Variants in EXOC6 observed in about 807,000 individuals in gnomAD.
EXOC6 encodes the protein exocyst complex component 6, also known as SEC15-like 1.
In EXOC6, 60 loss-of-function variants were observed where a neutral mutation model predicts 112.5. The observed-to-expected ratio is 0.53, with a 90% confidence interval of 0.43 to 0.66. The LOEUF (loss-of-function observed/expected upper bound fraction) is 0.66, where lower values mean the gene tolerates loss of function less well. Ranked by LOEUF, EXOC6 falls within the 30% of genes least tolerant of loss-of-function variation. EXOC6 has a pLI of 0.00. For synonymous variants in EXOC6, 295 were observed against 308.0 expected (o/e 0.96, Z 0.44); for missense variants, 855 against 957.1 (o/e 0.89, Z 1.41).
At chr10:92,893,278 C>T (rs896379311) in intron 1 of EXOC6, 71 bp from the exon 2 acceptor site, 1 of 1,089,464 alleles carries the variant, frequency 9.2e-7, no homozygotes, top group Admixed American at 2.6e-5. Context: ...TTTAAGATAT[C>T]ACCTCTTGCA....
chr10:92,881,950 C>G (rs1350947131), intron 1 of EXOC6, among the ~76,000 whole-genome samples: 2 of 152,080 alleles, frequency 1.3e-5, no homozygotes, highest in Non-Finnish European at 2.9e-5. Flanking sequence ...CTGAGGCCTC[C>G]CAAGACATGT....
chr10:92,948,205 G>A, intron 13 of EXOC6, 69 bp from the exon 14 acceptor site: 1 of 970,180 alleles, frequency 1.0e-6, no homozygotes, highest in Non-Finnish European at 1.5e-6. Context: ...GGTTTTTTAA[G>A]GTATTGTCTT....
intron 2 of EXOC6, among the ~76,000 whole-genome samples, chr10:92,893,752 G>T (rs1329603823): frequency 6.6e-6 from 1 of 152,128 alleles, no homozygotes; most frequent in Non-Finnish European, 1.5e-5. Flanking sequence ...TTCTTTCCAT[G>T]CAGGGAAGTG....
At position 93,050,796 on chromosome 10, in the gene EXOC6, C is replaced by T. The variant is rs375202462; in HGVS notation, c.2170-6128C>T. Among the ~76,000 whole-genome samples, 13 of 89,198 alleles carry T rather than the reference C, an allele frequency of 1.5e-4. No homozygotes were observed. The East Asian group carries it at 3.0e-3, about 21-fold the overall frequency. The allele number at this position is 89,198 out of a possible 152,430, so 58.5% of individuals were successfully genotyped here. On this transcript the variant is annotated intron_variant, in intron 20 of 21. Transcript: ENST00000260762. ...AAAAAAAAAAAGAATTGCTTGAATCCGGGAGGAGAAGGTTGCAGTGAGCCG... is the reference window on the plus strand; with the variant it reads ...AAAAAAAAAAAGAATTGCTTGAATCTGGGAGGAGAAGGTTGCAGTGAGCCG...
chr10:92,835,707 T>C (rs1487005830), intron 1 of EXOC6, among the ~76,000 whole-genome samples: 5 of 152,224 alleles, frequency 3.3e-5, no homozygotes, highest in Admixed American at 1.3e-4. Flanking sequence ...ATTTAAATCT[T>C]ATTTTGCATT....
Position 92,909,524 on chromosome 10 carries a change from C to G in EXOC6, c.556C>G (p.Pro186Ala), listed in dbSNP as rs200140456. Residue 186 changes from proline to alanine, a missense_variant, in exon 6 of 22, where the codon CCC becomes GCC. By Grantham distance (27) the Pro-to-Ala change is conservative (BLOSUM62 -1). This residue lies in a region of EXOC6 where 405 missense variants were observed against 393.6 expected (regional missense o/e 1.03). Coordinates refer to ENST00000260762, the MANE Select transcript of EXOC6 (RefSeq NM_019053.6). Reference protein sequence around the residue: ...RFCQLMIENLPKLREDIKEIS... With the variant: ...RFCQLMIENLAKLREDIKEIS... Reference sequence around the variant, plus strand: ...TTGTCAGCTCATGATAGAAAATCTTCCCAAACTCCGTGAGGATATTAAAGA... The same window carrying G: ...TTGTCAGCTCATGATAGAAAATCTTGCCAAACTCCGTGAGGATATTAAAGA... 1 of 1,613,284 alleles carries G rather than the reference C, an allele frequency of 6.2e-7. No individual in the cohort carries two copies. Among genetic ancestry groups the G allele is most frequent in the Admixed American group, 1.7e-5 (1 of 59,996 alleles).
chr10:92,874,778 T>C (rs1028877254), intron 1 of EXOC6, among the ~76,000 whole-genome samples: 2 of 152,248 alleles, frequency 1.3e-5, no homozygotes, highest in Non-Finnish European at 2.9e-5. Flanking sequence ...CATCTTTCTT[T>C]CTATTTCTCC....
chr10:92,938,705 A>G (rs1028507734), intron 12 of EXOC6, among the ~76,000 whole-genome samples: 2 of 152,206 alleles, frequency 1.3e-5, no homozygotes, highest in Non-Finnish European at 2.9e-5. Flanking sequence ...ATACAATAGT[A>G]GAGACATAAA....
intron 1 of EXOC6, among the ~76,000 whole-genome samples, chr10:92,850,647 T>A (rs1847280710): frequency 6.6e-6 from 1 of 152,238 alleles, no homozygotes; most frequent in Non-Finnish European, 1.5e-5. Context: ...TAGCTTCAAT[T>A]CATTCCCTGG....
intron 20 of EXOC6, among the ~76,000 whole-genome samples, chr10:93,026,297 T>C (rs571000204): frequency 6.8e-4 from 104 of 152,280 alleles, no homozygotes; most frequent in Middle Eastern, 6.8e-3. Context: ...ATACACATGA[T>C]CAGTTTTAAT....
intron 18 of EXOC6, chr10:92,987,590 T>A: frequency 1.2e-5 from 12 of 983,602 alleles, no homozygotes; most frequent in Non-Finnish European, 1.4e-5. Context: ...TTTATTTGAT[T>A]GCCTTGCTGA....
intron 1 of EXOC6, among the ~76,000 whole-genome samples, chr10:92,849,188 GCGAGAAGAGAGCGTGGGCT>G (rs796123952): frequency 1.2e-4 from 19 of 152,190 alleles, no homozygotes; most frequent in African/African-American, 4.6e-4. Flanking sequence ...GCCGCAGTGG[GCGAGAAGAGAGCGTGGGCT>G]GGAGAAGAGA....
intron 12 of EXOC6, among the ~76,000 whole-genome samples, chr10:92,936,288 A>G (rs181565630): frequency 3.3e-4 from 50 of 152,354 alleles, no homozygotes; most frequent in Non-Finnish European, 2.9e-5. Flanking sequence ...GACTAATTGT[A>G]TGCCTGCAGG....
chr10:92,858,028 C>T (rs930697816), intron 1 of EXOC6, among the ~76,000 whole-genome samples: 1 of 138,968 alleles, frequency 7.2e-6, no homozygotes, highest in Non-Finnish European at 1.5e-5. Context: ...GGGTTCCCCC[C>T]CTCCGCCGGC....
intron 8 of EXOC6, among the ~76,000 whole-genome samples, chr10:92,925,422 G>A (rs1851661750): frequency 1.3e-5 from 2 of 151,930 alleles, no homozygotes; most frequent in Non-Finnish European, 2.9e-5. Flanking sequence ...AGTCTCCCAA[G>A]TAGCTGGGAT....
intron 1 of EXOC6, among the ~76,000 whole-genome samples, chr10:92,882,507 A>C (rs1589757430): frequency 6.8e-6 from 1 of 147,858 alleles, no homozygotes; most frequent in Non-Finnish European, 1.5e-5. Flanking sequence ...TCGTGCCACT[A>C]CACTCCAGCC....
At chr10:92,950,985 A>G (rs1365839454) in intron 14 of EXOC6, among the ~76,000 whole-genome samples, 12 of 152,160 alleles carry the variant, frequency 7.9e-5, no homozygotes, top group Admixed American at 7.9e-4. Context: ...GTTGCTGATT[A>G]TGTGCATATG....
intron 1 of EXOC6, among the ~76,000 whole-genome samples, chr10:92,891,701 C>T (rs1374983933): frequency 6.6e-6 from 1 of 152,098 alleles, no homozygotes; most frequent in African/African-American, 2.4e-5. Flanking sequence ...AGGCTAGTCT[C>T]AAACTCCTGA....
intron 17 of EXOC6, among the ~76,000 whole-genome samples, chr10:92,959,993 G>T (rs572963419): frequency 1.3e-5 from 2 of 152,184 alleles, no homozygotes; most frequent in Non-Finnish European, 2.9e-5. Context: ...ATATGATGCA[G>T]CAATTGTGCT....
Sources: gnomAD v4.1 joint callset for allele counts (sites outside exome capture counted in the v4.1 genomes callset) on GRCh38, gnomAD v4.1.1 for gene constraint, gnomAD v4.1.1 regional missense constraint, MANE v1.5 for transcripts, NCBI Gene and HGNC (gene_info 2026-07-23, HGNC 2026-07-21) for gene names.